The following FHIP1A variants were observed in gnomAD, a reference collection of about 807,000 sequenced individuals.
FHIP1A encodes the protein FHF complex subunit HOOK interacting protein 1A, also known as FHF complex subunit HOOK-interacting protein 1A.
In FHIP1A, 61 loss-of-function variants were observed where a neutral mutation model predicts 88.6. The observed-to-expected ratio is 0.69, with a 90% CI of 0.56 to 0.85. The LOEUF (loss-of-function observed/expected upper bound fraction) is 0.85. Ranked by LOEUF, FHIP1A falls within the 40% of genes least tolerant of loss-of-function variation. FHIP1A has a pLI of 0.00. For missense variants in FHIP1A, 1,154 were observed against 1,273.5 expected, an observed-to-expected ratio of 0.91 and a Z score of 1.43; for synonymous variants, 478 against 496.0, an observed-to-expected ratio of 0.96 and a Z score of 0.48.
chr4:151,634,181 G>T (rs981717490), intron 8 of FHIP1A, among the ~76,000 whole-genome samples: 4 of 151,654 alleles, frequency 2.6e-5, no homozygotes, highest in Admixed American at 2.6e-4. Flanking sequence ...GCATCAAAAA[G>T]AATAAAATAC....
chr4:151,650,247 G>T lies in FHIP1A; in HGVS notation c.2206G>T (p.Glu736Ter). The stretch of plus-strand genomic sequence containing the variant: ...GTTAGCATCCCCTGCCCCTGAGGCA[G>T]AGCACAGCTCTAACCTGACAGCCGC... ...SELASPAPEA[E>*]HSSNLTAAHP... The change falls in exon 11 of 14, where the codon GAG (glutamate) becomes TAG (stop). Residue 736 changes from glutamate (E) to a stop codon, truncating the protein, a stop_gained. Coordinates refer to ENST00000435205, the MANE Select transcript of FHIP1A (RefSeq NM_001109977.3). LOFTEE classifies it high-confidence loss of function. 1 of 1,551,746 alleles carries T rather than the reference G, an allele frequency of 6.4e-7. No individual in the cohort carries two copies. Among genetic ancestry groups the T allele is most frequent in the Non-Finnish European group, 8.7e-7 (1 of 1,147,004 alleles).
At chr4:151,473,226 A>C (rs1729588138) in intron 2 of FHIP1A, among the ~76,000 whole-genome samples, 1 of 152,202 alleles carries the variant, frequency 6.6e-6, no homozygotes, top group Non-Finnish European at 1.5e-5. Context: ...AGGACTAAAT[A>C]AAATGAAATA....
At chr4:151,594,276 C>A (rs1289101841) in intron 7 of FHIP1A, among the ~76,000 whole-genome samples, 2 of 152,076 alleles carry the variant, frequency 1.3e-5, no homozygotes, top group African/African-American at 4.8e-5. Context: ...AGGGAGGAGT[C>A]CCTCTTTTTC....
At chr4:151,451,251 A>G (rs1728778654) in intron 1 of FHIP1A, among the ~76,000 whole-genome samples, 2 of 152,042 alleles carry the variant, frequency 1.3e-5, no homozygotes, top group African/African-American at 2.4e-5. Context: ...TTCATTATGT[A>G]CTATAGATAT....
chr4:151,526,561 C>T (rs1197473715), intron 3 of FHIP1A, among the ~76,000 whole-genome samples: 1 of 142,240 alleles, frequency 7.0e-6, no homozygotes, highest in Non-Finnish European at 1.5e-5. Flanking sequence ...TAGGGGCGGC[C>T]GGGCAGAGGC....
chr4:151,567,418 C>T (rs1287294154), intron 4 of FHIP1A, among the ~76,000 whole-genome samples: 1 of 151,880 alleles, frequency 6.6e-6, no homozygotes, highest in Non-Finnish European at 1.5e-5. Context: ...TACTTTGTAG[C>T]TTCTTGTTAC....
intron 7 of FHIP1A, 131 bp from the exon 8 acceptor site, chr4:151,629,571 A>C: frequency 1.5e-6 from 1 of 681,544 alleles, no homozygotes; most frequent in Non-Finnish European, 2.5e-6. Flanking sequence ...AAAGCTCTGA[A>C]GTGTGTTTTC....
intron 2 of FHIP1A, among the ~76,000 whole-genome samples, chr4:151,465,426 T>C (rs547540637): frequency 1.3e-5 from 2 of 152,278 alleles, no homozygotes; most frequent in South Asian, 4.1e-4. Context: ...GATTCATAGC[T>C]GAATTCTTCC....
In FHIP1A at chr4:151,517,149, G is replaced by T. The variant is rs562357647; in HGVS notation, c.-123+34501G>T. On this transcript the variant is annotated intron_variant, in intron 3 of 13. Transcript: ENST00000435205. ...AAAAAATGATGAGTTCGTGTCCTTTGTAGGGACATGGATGAAATTGGAAAT... is the reference window on the plus strand; with the variant it reads ...AAAAAATGATGAGTTCGTGTCCTTTTTAGGGACATGGATGAAATTGGAAAT... 2.6e-5 allele frequency among the ~76,000 whole-genome samples: 4 copies of T among 152,254 alleles called. No individual in the cohort carries two copies. In the South Asian group the frequency reaches 8.3e-4, roughly 32 times the overall value.
chr4:151,653,763 G>C (rs1053807425), intron 11 of FHIP1A, among the ~76,000 whole-genome samples: 1 of 152,144 alleles, frequency 6.6e-6, no homozygotes. Context: ...AGAATTTGCC[G>C]AGGGAGGCAC....
At position 151,650,504 on chromosome 4, in the gene FHIP1A, A is replaced by G. The variant is rs2126913418; in HGVS notation, c.2463A>G (p.Val821=). 1.9e-6 allele frequency: 3 copies of G among 1,551,584 alleles called. No individual in the cohort carries two copies. Among genetic ancestry groups the G allele is most frequent in the Middle Eastern group, 1.7e-4 (1 of 5,994 alleles). Residue 821 remains valine (V), a synonymous_variant, in exon 11 of 14, where the codon GTA becomes GTG. Transcript: ENST00000435205. ...FDSFIAEMPA[V]ETVPSPFVGR... The stretch of plus-strand genomic sequence containing the variant: ...CTTTTATAGCGGAGATGCCTGCTGT[A>G]GAGACTGTGCCTTCCCCATTTGTGG...
intron 1 of FHIP1A, among the ~76,000 whole-genome samples, chr4:151,453,667 A>G (rs529484314): frequency 2.0e-5 from 3 of 152,208 alleles, no homozygotes; most frequent in Non-Finnish European, 4.4e-5. Flanking sequence ...CTCGACCAAC[A>G]TGGAGAAACC....
chr4:151,662,653 G>C lies in FHIP1A; in HGVS notation c.3022G>C (p.Ala1008Pro). ...LPVRNPMLAA[A>P]LFPEFLKELA... ...GGTGAGGAACCCCATGCTGGCTGCT[G>C]CCCTCTTCCCAGAGTTCCTGAAGGA... The change falls in exon 14 of 14, where the codon GCC becomes CCC. Residue 1008 changes from alanine to proline, a missense_variant. Ala to Pro is a conservative substitution (Grantham distance 27, BLOSUM62 -1). Coordinates refer to ENST00000435205, the MANE Select transcript of FHIP1A (RefSeq NM_001109977.3). 6.4e-7 allele frequency: 1 copy of C among 1,551,288 alleles called. No homozygotes were observed. The highest frequency in any genetic ancestry group is 1.4e-5 in the African/African-American group (1 of 72,988).
At chr4:151,412,569 T>TCTTTC (rs1561483932) in intron 1 of FHIP1A, among the ~76,000 whole-genome samples, 19 of 140,292 alleles carry the variant, frequency 1.4e-4, no homozygotes, top group African/African-American at 5.2e-4. Flanking sequence ...TTTCTTTCTT[T>TCTTTC]CTTTCTTTCC....
intron 4 of FHIP1A, among the ~76,000 whole-genome samples, chr4:151,570,924 T>G (rs1002998260): frequency 6.6e-6 from 1 of 152,196 alleles, no homozygotes; most frequent in African/African-American, 2.4e-5. Flanking sequence ...ACTTAATTTT[T>G]ATAGTAGTCT....
chr4:151,628,588 A>C (rs1736040050), intron 7 of FHIP1A, among the ~76,000 whole-genome samples: 1 of 152,242 alleles, frequency 6.6e-6, no homozygotes, highest in African/African-American at 2.4e-5. Context: ...TTAAAGGAAG[A>C]GAATGAAAGA....
intron 3 of FHIP1A, among the ~76,000 whole-genome samples, chr4:151,493,052 TA>T (rs1730341507): frequency 6.6e-6 from 1 of 152,012 alleles, no homozygotes; most frequent in Non-Finnish European, 1.5e-5. Context: ...CTTGATTATT[TA>T]AAAAGATAAA....
intron 1 of FHIP1A, among the ~76,000 whole-genome samples, chr4:151,448,883 C>G (rs1195010908): frequency 6.6e-6 from 1 of 152,168 alleles, no homozygotes; most frequent in Non-Finnish European, 1.5e-5. Context: ...AACTGCCATA[C>G]TGTTTTCCTT....
chr4:151,550,633 G>A (rs373736361), intron 3 of FHIP1A, among the ~76,000 whole-genome samples: 12 of 152,270 alleles, frequency 7.9e-5, no homozygotes, highest in South Asian at 4.1e-4. Context: ...TTGAAGGCTT[G>A]TACCATTTAA....
Sources: gnomAD v4.1 joint callset for allele counts (sites outside exome capture counted in the v4.1 genomes callset) on GRCh38, gnomAD v4.1.1 for gene constraint, MANE v1.5 for transcripts, NCBI Gene and HGNC (gene_info 2026-07-23, HGNC 2026-07-21) for gene names.